Variants in KAZN observed in about 807,000 individuals in gnomAD.
KAZN encodes kazrin, periplakin interacting protein.
Under a neutral mutation model 87.4 loss-of-function variants are expected in KAZN, and 40 were observed. The observed-to-expected ratio is 0.46, with a 90% CI of 0.36 to 0.60. KAZN has a LOEUF of 0.60. Among genes scored for constraint, KAZN ranks in the 20% least tolerant of loss-of-function variants. The pLI, the probability that KAZN is intolerant of heterozygous loss-of-function variation, is 0.00. For synonymous variants in KAZN, 466 were observed against 458.3 expected (o/e 1.02, Z -0.22); for missense variants, 898 against 1,073.9 (o/e 0.84, Z 2.29).
chr1:14,594,412 T>C (rs1274096357), upstream of KAZN, among the ~76,000 whole-genome samples: 2 of 152,148 alleles, frequency 1.3e-5, no homozygotes, highest in African/African-American at 4.8e-5. Context: ...CACGGCACAG[T>C]TGGCTTATTC....
chr1:15,095,003 G>T, intron 10 of KAZN, 70 bp downstream of exon 10: 2 of 1,047,526 alleles, frequency 1.9e-6, no homozygotes, highest in South Asian at 1.4e-5. Flanking sequence ...TCACACAGGT[G>T]GGGTGAGCGG....
chr1:14,300,337 T>C (rs1188274748), intron 2 of KAZN, among the ~76,000 whole-genome samples: 3 of 152,076 alleles, frequency 2.0e-5, no homozygotes, highest in Non-Finnish European at 1.5e-5. Flanking sequence ...GCTCAAGTGA[T>C]CCTCCCACAT....
chr1:14,647,891 G>A (rs1572130464), intron 1 of KAZN, among the ~76,000 whole-genome samples: 1 of 152,292 alleles, frequency 6.6e-6, no homozygotes, highest in African/African-American at 2.4e-5. Context: ...AATCTTAACA[G>A]AAAGGGTGGT....
At chr1:14,397,386 G>A (rs1438404984) in intron 2 of KAZN, among the ~76,000 whole-genome samples, 1 of 152,108 alleles carries the variant, frequency 6.6e-6, no homozygotes, top group African/African-American at 2.4e-5. Flanking sequence ...CAGAGAGAGA[G>A]AATTTTGTCT....
intron 2 of KAZN, among the ~76,000 whole-genome samples, chr1:14,353,337 G>T (rs1373362445): frequency 2.9e-5 from 2 of 68,512 alleles, no homozygotes; most frequent in African/African-American, 1.8e-4. Flanking sequence ...CCATTCTCCT[G>T]CCTCAGCCTC....
intron 1 of KAZN, among the ~76,000 whole-genome samples, chr1:14,641,915 G>A (rs10927477): frequency 0.38 from 57,410 of 152,200 alleles, 13,518 homozygotes; most frequent in African/African-American, 0.67. Context: ...TGCAAGTCAC[G>A]TACGTGACAT....
At chr1:15,026,522 C>T (rs1671176892) in intron 2 of KAZN, among the ~76,000 whole-genome samples, 1 of 152,154 alleles carries the variant, frequency 6.6e-6, no homozygotes, top group African/African-American at 2.4e-5. Context: ...GGGAAAAAAG[C>T]AGCACCAGAA....
At position 14,602,130 on chromosome 1, in the gene KAZN, G is replaced by A. The variant is rs117462187; in HGVS notation, c.226+2907G>A. 3.6e-3 allele frequency among the ~76,000 whole-genome samples: 541 copies of A among 152,214 alleles called. 21 individuals are homozygous for A. In the East Asian group the frequency reaches 0.067, roughly 19 times the overall value. On this transcript the variant is annotated intron_variant, in intron 1 of 14. Coordinates refer to ENST00000376030, the MANE Select transcript of KAZN (RefSeq NM_201628.3). ...ATCCCCTTTTGATGAAGAAAATTTG[G>A]GTTTTCCTAGCGGGTTAATGCAGTG...
intron 2 of KAZN, among the ~76,000 whole-genome samples, chr1:14,971,767 C>T (rs568131315): frequency 1.3e-5 from 2 of 150,746 alleles, no homozygotes; most frequent in Non-Finnish European, 3.0e-5. Flanking sequence ...CTGCAAGCTC[C>T]GCCTCCCGGG....
chr1:14,779,693 G>A (rs1645276853), intron 1 of KAZN, among the ~76,000 whole-genome samples: 1 of 152,146 alleles, frequency 6.6e-6, no homozygotes, highest in South Asian at 2.1e-4. Context: ...AACAGTTCCT[G>A]GGAAGGGTTT....
At chr1:14,824,728 C>T (rs1646834383) in intron 1 of KAZN, among the ~76,000 whole-genome samples, 1 of 152,178 alleles carries the variant, frequency 6.6e-6, no homozygotes, top group South Asian at 2.1e-4. Flanking sequence ...TGACAGTCAC[C>T]CCCTTGAGCC....
In KAZN at chr1:14,849,931, A is replaced by AC. The variant is rs34556308; in HGVS notation, c.227-110746dup. 8.8e-3 allele frequency among the ~76,000 whole-genome samples: 1,249 copies of AC among 141,822 alleles called. 21 individuals are homozygous for AC. Among genetic ancestry groups the AC allele is most frequent in the African/African-American group, 0.024 (914 of 38,790 alleles). The allele number at this position is 141,822 out of a possible 152,430, so 93.0% of individuals were successfully genotyped here. A position where few individuals can be genotyped will look rare whatever the true frequency, so the allele number is the denominator to read the frequency against. On this transcript the variant is annotated intron_variant, in intron 1 of 14. Coordinates refer to ENST00000376030, the MANE Select transcript of KAZN (RefSeq NM_201628.3). ...AGAAAGGCACTTGGGTAGATTTTCT[A>AC]CCCCCCCTTTTTTTTTTTTTTGAAA...
intron 1 of KAZN, among the ~76,000 whole-genome samples, chr1:14,044,868 G>A (rs1034997289): frequency 2.0e-5 from 3 of 152,182 alleles, no homozygotes; most frequent in East Asian, 1.9e-4. Flanking sequence ...ATGATGTTAT[G>A]AGATTTCTGA....
At chr1:15,023,823 A>G (rs1670920143) in intron 2 of KAZN, among the ~76,000 whole-genome samples, 1 of 151,074 alleles carries the variant, frequency 6.6e-6, no homozygotes, top group Non-Finnish European at 1.5e-5. Context: ...AGGAGTGGTA[A>G]AAAGGGCCCA....
intron 2 of KAZN, among the ~76,000 whole-genome samples, chr1:14,991,132 C>A (rs774754715): frequency 3.3e-5 from 5 of 151,856 alleles, no homozygotes; most frequent in Non-Finnish European, 5.9e-5. Context: ...GCGGGCGGAT[C>A]ACCTGAGGTC....
At chr1:13,923,392 T>A (rs951946686) in intron 1 of KAZN, among the ~76,000 whole-genome samples, 2 of 151,766 alleles carry the variant, frequency 1.3e-5, no homozygotes, top group Non-Finnish European at 2.9e-5. Context: ...GCTAACATGG[T>A]GAAACCCCGT....
intron 8 of KAZN, among the ~76,000 whole-genome samples, chr1:15,085,713 C>T (rs1640220918): frequency 6.6e-6 from 1 of 152,134 alleles, no homozygotes; most frequent in African/African-American, 2.4e-5. Context: ...TTTTCATCAA[C>T]ACAGAAAGTT....
Position 13,934,083 on chromosome 1 carries a change from T to C in KAZN, c.91+40327T>C, listed in dbSNP as rs545483265. 2.6e-5 allele frequency among the ~76,000 whole-genome samples: 4 copies of C among 152,324 alleles called. No homozygotes were observed. In the East Asian group the frequency reaches 5.8e-4, roughly 22 times the overall value. On this transcript the variant is annotated intron_variant, in intron 1 of 16. Transcript: ENST00000636203. ...CCTGTACCAGTCCTTTTAAATAACATAGATATTTCTCTCCCTGGGAACTAG... is the reference window on the plus strand; with the variant it reads ...CCTGTACCAGTCCTTTTAAATAACACAGATATTTCTCTCCCTGGGAACTAG...
chr1:14,103,865 G>A (rs991289764), intron 1 of KAZN, among the ~76,000 whole-genome samples: 1 of 151,972 alleles, frequency 6.6e-6, no homozygotes, highest in Non-Finnish European at 1.5e-5. Context: ...CATCGTTGGG[G>A]GCCATTATTC....
Sources: gnomAD v4.1 joint callset for allele counts (sites outside exome capture counted in the v4.1 genomes callset) on GRCh38, gnomAD v4.1.1 for gene constraint, MANE v1.5 for transcripts, NCBI Gene and HGNC (gene_info 2026-07-23, HGNC 2026-07-21) for gene names.